Variants in CEP162 observed in about 807,000 individuals in gnomAD.
CEP162 encodes centrosomal protein 162.
In CEP162, 141 loss-of-function variants were observed where a neutral mutation model predicts 169.2. That is an observed-to-expected ratio of 0.83 (90% CI 0.73 to 0.96). The LOEUF (loss-of-function observed/expected upper bound fraction) is 0.96, where lower values mean the gene tolerates loss of function less well. Ranked by LOEUF, CEP162 falls within the 40% of genes least tolerant of loss-of-function variation. The probability of loss-of-function intolerance (pLI) is 0.00; values close to 1 mark genes in which losing one functional copy is unlikely to be tolerated. For synonymous variants in CEP162, 540 were observed against 526.4 expected (o/e 1.03, Z -0.35); for missense variants, 1,600 against 1,587.2 (o/e 1.01, Z -0.14).
At chr6:84,211,005 T>C (rs971635631) in intron 6 of CEP162, among the ~76,000 whole-genome samples, 7 of 151,686 alleles carry the variant, frequency 4.6e-5, no homozygotes, top group African/African-American at 1.7e-4. Context: ...AACATAAAAT[T>C]CACAATACCC....
At chr6:84,205,548 T>C (rs2099546554) in intron 6 of CEP162, among the ~76,000 whole-genome samples, 1 of 152,160 alleles carries the variant, frequency 6.6e-6, no homozygotes, top group Non-Finnish European at 1.5e-5. Flanking sequence ...CTTAATAAAC[T>C]AGGTATTCAT....
intron 13 of CEP162, among the ~76,000 whole-genome samples, chr6:84,179,928 G>A (rs529269575): frequency 7.2e-5 from 11 of 152,260 alleles, no homozygotes; most frequent in African/African-American, 2.6e-4. Context: ...AGAAGGAGCT[G>A]GTACCATTCC....
rs1375549173 is a variant in CEP162, at chr6:84,174,593, T to C, written c.2025+134A>G. The C allele has an allele frequency of 5.2e-6, 3 of 575,490 alleles. No homozygotes were observed. The African/African-American group carries it at 5.7e-5, about 11-fold the overall frequency. 35.6% of individuals were successfully genotyped at this position (575,490 alleles called of 1,614,324 possible). ...ATGTACGGAATCACTCTTGGAACCA[T>C]TCTATATTTTATACAGCAAATACAT... is the stretch of plus-strand genomic sequence containing the variant. On this transcript the variant is annotated intron_variant, in intron 15 of 26. Transcript: ENST00000403245.
intron 23 of CEP162, among the ~76,000 whole-genome samples, chr6:84,151,600 G>T (rs1433545606): frequency 2.0e-5 from 3 of 152,140 alleles, no homozygotes; most frequent in African/African-American, 4.8e-5. Flanking sequence ...GAAACCGTAA[G>T]AATGGGTAAG....
chr6:84,199,259 G>C (rs1281901752), intron 9 of CEP162, among the ~76,000 whole-genome samples: 1 of 152,090 alleles, frequency 6.6e-6, no homozygotes, highest in African/African-American at 2.4e-5. Flanking sequence ...AGAATACTCA[G>C]TTGGGCAACA....
intron 11 of CEP162, among the ~76,000 whole-genome samples, chr6:84,193,028 T>C (rs1398460940): frequency 3.9e-5 from 6 of 152,252 alleles, no homozygotes. Context: ...CTCTACTTGT[T>C]ATGAGGATCA....
At chr6:84,196,910 G>A (rs1331556327) in intron 9 of CEP162, among the ~76,000 whole-genome samples, 1 of 152,188 alleles carries the variant, frequency 6.6e-6, no homozygotes, top group Non-Finnish European at 1.5e-5. Context: ...AGAGGATACT[G>A]CTAAGGAAGA....
At chr6:84,187,567 A>G (rs1228504735) in intron 11 of CEP162, among the ~76,000 whole-genome samples, 1 of 152,198 alleles carries the variant, frequency 6.6e-6, no homozygotes, top group Non-Finnish European at 1.5e-5. Context: ...GCCAACTTCC[A>G]TCTAGATGGG....
chr6:84,184,418 A>G (rs574706245), intron 13 of CEP162, among the ~76,000 whole-genome samples: 1 of 152,110 alleles, frequency 6.6e-6, no homozygotes, highest in African/African-American at 2.4e-5. Context: ...CTGCCATTTA[A>G]TTTGCCTTTT....
At chr6:84,189,203 G>A (rs2099538583) in intron 11 of CEP162, among the ~76,000 whole-genome samples, 1 of 148,880 alleles carries the variant, frequency 6.7e-6, no homozygotes, top group Non-Finnish European at 1.5e-5. Context: ...GTGACAGCAT[G>A]CTGGCAGTTC....
In CEP162 at chr6:84,154,379, C is replaced by CCTAT. The variant is rs143560563; in HGVS notation, c.2994+915_2994+918dup. 1.5e-3 allele frequency among the ~76,000 whole-genome samples: 191 copies of CCTAT among 124,856 alleles called. 2 individuals carry two copies. The South Asian group carries it at 0.022, about 14-fold the overall frequency. 81.9% of individuals were successfully genotyped at this position (124,856 alleles called of 152,430 possible). On this transcript the variant is annotated intron_variant, in intron 22 of 26. Coordinates refer to ENST00000403245, the MANE Select transcript of CEP162 (RefSeq NM_014895.4). ...GTCTGTCTATCTATCTATCTATCTACCTATCTATCTATCTATCTATGTATC... is the reference window on the plus strand; with the variant it reads ...GTCTGTCTATCTATCTATCTATCTACCTATCTATCTATCTATCTATCTATGTATC...
chr6:84,199,596 C>T (rs1015615861), intron 9 of CEP162, among the ~76,000 whole-genome samples: 6 of 148,252 alleles, frequency 4.0e-5, no homozygotes, highest in South Asian at 2.1e-4. Context: ...AAGCTGCTGA[C>T]GGTTAGTGAT....
At chr6:84,168,762 C>T in intron 18 of CEP162, among the ~76,000 whole-genome samples, 1 of 152,120 alleles carries the variant, frequency 6.6e-6, no homozygotes, top group East Asian at 1.9e-4. Context: ...TTAGAAAACT[C>T]TAGGCCATAT....
intron 6 of CEP162, among the ~76,000 whole-genome samples, chr6:84,210,217 GAA>G (rs779383599): frequency 3.9e-5 from 6 of 152,130 alleles, no homozygotes; most frequent in Non-Finnish European, 8.8e-5. Flanking sequence ...GTTATTTTGA[GAA>G]ATAAAAATGT....
At chr6:84,201,150 C>T (rs547339273) in intron 8 of CEP162, among the ~76,000 whole-genome samples, 27 of 152,158 alleles carry the variant, frequency 1.8e-4, no homozygotes, top group Admixed American at 6.5e-4. Flanking sequence ...TGGTGGCAGG[C>T]GCCTGTAGTT....
At chr6:84,209,104 GT>G (rs1459720819) in intron 6 of CEP162, among the ~76,000 whole-genome samples, 1 of 152,194 alleles carries the variant, frequency 6.6e-6, no homozygotes, top group East Asian at 1.9e-4. Context: ...GTATGGCATA[GT>G]GCTTAAGAGC....
intron 18 of CEP162, among the ~76,000 whole-genome samples, chr6:84,164,965 T>G (rs1404030686): frequency 6.6e-6 from 1 of 152,080 alleles, no homozygotes; most frequent in Non-Finnish European, 1.5e-5. Context: ...TAACCCAGCT[T>G]TACCCATGAC....
At chr6:84,225,363 C>T (rs1430473637) in intron 2 of CEP162, among the ~76,000 whole-genome samples, 2 of 152,146 alleles carry the variant, frequency 1.3e-5, no homozygotes, top group Non-Finnish European at 1.5e-5. Flanking sequence ...AACTGTAACA[C>T]AATGGCAAGC....
chr6:84,152,570 T>A lies in CEP162; in HGVS notation c.3604A>T (p.Asn1202Tyr). 6.6e-7 allele frequency: 1 copy of A among 1,517,366 alleles called. No homozygotes were observed. 94.0% of individuals were successfully genotyped at this position (1,517,366 alleles called of 1,614,324 possible). ...ELKMKSEAVM[N>Y]QFENSMRRVK... is the part of the protein sequence containing the mutation. ...CTTCTCATGGAGTTTTCAAATTGAT[T>A]CATCACTGCTTCAGATTTCATCTTC... The change falls in exon 23 of 27, where the codon AAT becomes TAT. Residue 1202 changes from asparagine to tyrosine, a missense_variant. Transcript: ENST00000403245.
Sources: gnomAD v4.1 joint callset for allele counts (sites outside exome capture counted in the v4.1 genomes callset) on GRCh38, gnomAD v4.1.1 for gene constraint, MANE v1.5 for transcripts, NCBI Gene and HGNC (gene_info 2026-07-23, HGNC 2026-07-21) for gene names.